The following TRAPPC9 variants were observed in gnomAD, a reference collection of about 807,000 sequenced individuals.
The protein encoded by TRAPPC9 is trafficking protein particle complex subunit 9.
Under a neutral mutation model 124.0 loss-of-function variants are expected in TRAPPC9, and 83 were observed. That is an observed-to-expected ratio of 0.67 (90% CI 0.56 to 0.80). The LOEUF (loss-of-function observed/expected upper bound fraction) is 0.80, where lower values mean the gene tolerates loss of function less well. Among genes scored for constraint, TRAPPC9 ranks in the 30% least tolerant of loss-of-function variants. The pLI is 0.00. For synonymous variants in TRAPPC9, 638 were observed against 617.5 expected, an observed-to-expected ratio of 1.03 and a Z score of -0.49; for missense variants, 1,302 against 1,508.3, an observed-to-expected ratio of 0.86 and a Z score of 2.27.
At chr8:140,107,969 T>G in intron 17 of TRAPPC9, among the ~76,000 whole-genome samples, 2 of 149,776 alleles carry the variant, frequency 1.3e-5, no homozygotes, top group African/African-American at 2.5e-5. Flanking sequence ...GGGGGTGGGG[T>G]GTAGGGGGAT....
intron 20 of TRAPPC9, among the ~76,000 whole-genome samples, chr8:139,902,247 G>A (rs774131208): frequency 3.4e-4 from 52 of 152,110 alleles, no homozygotes; most frequent in African/African-American, 8.2e-4. Context: ...GTCAAACCCC[G>A]GCCACTTTCA....
intron 21 of TRAPPC9, among the ~76,000 whole-genome samples, chr8:139,862,259 C>T (rs1253416665): frequency 3.3e-5 from 5 of 152,256 alleles, no homozygotes; most frequent in Admixed American, 6.5e-5. Context: ...CTGTGTTTGC[C>T]CTGCCCCACC....
chr8:140,188,353 T>C (rs951194689), intron 17 of TRAPPC9, among the ~76,000 whole-genome samples: 7 of 152,222 alleles, frequency 4.6e-5, no homozygotes, highest in African/African-American at 1.4e-4. Context: ...CGTGAATGAA[T>C]GCATCTCTCC....
intron 15 of TRAPPC9, among the ~76,000 whole-genome samples, chr8:140,268,515 C>G (rs56161032): frequency 1.3e-5 from 2 of 152,164 alleles, no homozygotes; most frequent in South Asian, 4.1e-4. Flanking sequence ...AACCCTGTTG[C>G]TTTGAAAATG....
At chr8:140,170,915 G>C (rs1008101851) in intron 17 of TRAPPC9, among the ~76,000 whole-genome samples, 1 of 152,208 alleles carries the variant, frequency 6.6e-6, no homozygotes, top group Non-Finnish European at 1.5e-5. Flanking sequence ...GGGTCGTGAA[G>C]AGGTGGGTCA....
intron 19 of TRAPPC9, among the ~76,000 whole-genome samples, chr8:139,957,519 C>A (rs1835079907): frequency 6.6e-6 from 1 of 152,148 alleles, no homozygotes; most frequent in African/African-American, 2.4e-5. Flanking sequence ...TGGGTGTCCT[C>A]GGGAATAAAA....
At chr8:140,319,553 ACCTCCCAGGCTCAAGCGAT>A (rs1456189593) in intron 9 of TRAPPC9, among the ~76,000 whole-genome samples, 1 of 149,480 alleles carries the variant, frequency 6.7e-6, no homozygotes, top group Non-Finnish European at 1.5e-5. Context: ...TGCAACCTCC[ACCTCCCAGGCTCAAGCGAT>A]CCTCCCACCT....
intron 21 of TRAPPC9, among the ~76,000 whole-genome samples, chr8:139,789,694 G>A (rs1369074425): frequency 6.6e-6 from 1 of 152,190 alleles, no homozygotes; most frequent in African/African-American, 2.4e-5. Flanking sequence ...GCCCTGTGCT[G>A]GGATGAAGGG....
chr8:140,332,528 T>C (rs916759494), intron 9 of TRAPPC9, among the ~76,000 whole-genome samples: 7 of 152,170 alleles, frequency 4.6e-5, no homozygotes, highest in African/African-American at 1.7e-4. Flanking sequence ...CAAAGTACCC[T>C]GAATTGATCA....
intron 21 of TRAPPC9, among the ~76,000 whole-genome samples, chr8:139,763,713 G>A (rs776831279): frequency 4.6e-5 from 7 of 152,248 alleles, no homozygotes; most frequent in Admixed American, 2.6e-4. Flanking sequence ...GCTGGTAAGC[G>A]GGGACAGGAT....
At chr8:140,367,912 G>T (rs935305349) in intron 8 of TRAPPC9, among the ~76,000 whole-genome samples, 1 of 152,146 alleles carries the variant, frequency 6.6e-6, no homozygotes, top group Non-Finnish European at 1.5e-5. Flanking sequence ...AAGGGGTGGG[G>T]AGACAGGTTC....
chr8:140,455,690 A>G (rs1359700997), intron 1 of TRAPPC9, among the ~76,000 whole-genome samples: 1 of 151,246 alleles, frequency 6.6e-6, no homozygotes, highest in Non-Finnish European at 1.5e-5. Context: ...CGGCCTCCCA[A>G]AGTGCTGGGA....
At chr8:140,168,256 G>A (rs1231969734) in intron 17 of TRAPPC9, among the ~76,000 whole-genome samples, 1 of 152,204 alleles carries the variant, frequency 6.6e-6, no homozygotes, top group Non-Finnish European at 1.5e-5. Context: ...CATATCGAAG[G>A]TGACATTGGC....
At chr8:140,418,726 A>AT (rs1364514275) in intron 5 of TRAPPC9, among the ~76,000 whole-genome samples, 2 of 83,534 alleles carry the variant, frequency 2.4e-5, no homozygotes, top group African/African-American at 8.1e-5. Flanking sequence ...TCTCAAAAAG[A>AT]TAGATAGATA....
At chr8:140,238,991 C>T (rs1175507925) in intron 16 of TRAPPC9, among the ~76,000 whole-genome samples, 2 of 152,134 alleles carry the variant, frequency 1.3e-5, no homozygotes, top group Non-Finnish European at 2.9e-5. Context: ...TGGAGGGGCC[C>T]GGGCGCTGCA....
At chr8:139,852,827 C>A (rs1477133121) in intron 21 of TRAPPC9, among the ~76,000 whole-genome samples, 2 of 152,118 alleles carry the variant, frequency 1.3e-5, no homozygotes, top group Admixed American at 1.3e-4. Flanking sequence ...AGTTCATGAT[C>A]CTTTATTCAA....
intron 17 of TRAPPC9, among the ~76,000 whole-genome samples, chr8:140,179,113 T>G (rs1434537430): frequency 6.6e-6 from 1 of 152,164 alleles, no homozygotes; most frequent in Non-Finnish European, 1.5e-5. Flanking sequence ...ATCTTTATTT[T>G]CTTCTCCTTT....
At chr8:140,132,558 C>A (rs2061227205) in intron 17 of TRAPPC9, among the ~76,000 whole-genome samples, 1 of 152,202 alleles carries the variant, frequency 6.6e-6, no homozygotes. Flanking sequence ...CAGAGCTTGA[C>A]ACAAACACAG....
chr8:140,373,608 C>T (rs1429400505), intron 7 of TRAPPC9, among the ~76,000 whole-genome samples: 4 of 151,618 alleles, frequency 2.6e-5, no homozygotes, highest in Non-Finnish European at 5.9e-5. Context: ...ATGCCGACGC[C>T]GACGATGTGT....
Sources: gnomAD v4.1 joint callset for allele counts (sites outside exome capture counted in the v4.1 genomes callset) on GRCh38, gnomAD v4.1.1 for gene constraint, MANE v1.5 for transcripts, NCBI Gene and HGNC (gene_info 2026-07-23, HGNC 2026-07-21) for gene names.